Variants in CALN1 observed in about 807,000 individuals in gnomAD.
The protein encoded by CALN1 is calneuron 1.
CALN1 carries 17 observed loss-of-function variants against 30.6 expected under a neutral mutation model. That is an observed-to-expected ratio of 0.56 (90% CI 0.38 to 0.83). The LOEUF is 0.83. Among genes scored for constraint, CALN1 ranks in the 40% least tolerant of loss-of-function variants. CALN1 has a pLI of 0.00. For missense variants in CALN1, 291 were observed against 354.9 expected (o/e 0.82, Z 1.45); for synonymous variants, 156 against 131.4 (o/e 1.19, Z -1.28).
chr7:71,846,744 A>G (rs1790262097), intron 5 of CALN1, among the ~76,000 whole-genome samples: 1 of 149,560 alleles, frequency 6.7e-6, no homozygotes, highest in Admixed American at 6.7e-5. Flanking sequence ...AGTAAACAAA[A>G]TCCATACATA....
intron 4 of CALN1, among the ~76,000 whole-genome samples, chr7:72,063,187 T>C (rs981988612): frequency 2.6e-5 from 4 of 152,186 alleles, no homozygotes; most frequent in Admixed American, 2.6e-4. Flanking sequence ...TGTATATGAA[T>C]TTACACGTGT....
intron 5 of CALN1, among the ~76,000 whole-genome samples, chr7:71,918,997 T>C (rs934614964): frequency 6.6e-6 from 1 of 152,192 alleles, no homozygotes; most frequent in Admixed American, 6.5e-5. Flanking sequence ...GAGCATGTAT[T>C]TTTCATCTTT....
At chr7:72,066,383 T>G (rs574325166) in intron 4 of CALN1, among the ~76,000 whole-genome samples, 12 of 152,318 alleles carry the variant, frequency 7.9e-5, no homozygotes, top group African/African-American at 2.6e-4. Flanking sequence ...CCAGCTCATA[T>G]TTTTCTATCT....
chr7:72,272,421 G>C (rs767541372), intron 3 of CALN1, among the ~76,000 whole-genome samples: 1 of 151,984 alleles, frequency 6.6e-6, no homozygotes, highest in Non-Finnish European at 1.5e-5. Context: ...AATTAGCTGG[G>C]TGTGGTGGTG....
intron 5 of CALN1, among the ~76,000 whole-genome samples, chr7:72,015,979 T>C (rs1800356738): frequency 6.6e-6 from 1 of 152,200 alleles, no homozygotes; most frequent in Non-Finnish European, 1.5e-5. Flanking sequence ...CCAGGCACGG[T>C]GGCTCACACC....
intron 5 of CALN1, among the ~76,000 whole-genome samples, chr7:71,982,871 G>A (rs886602752): frequency 6.6e-6 from 1 of 152,194 alleles, no homozygotes; most frequent in Non-Finnish European, 1.5e-5. Context: ...AGTTGTACCA[G>A]TAGGAAAGGG....
At chr7:71,974,720 G>A (rs1798017426) in intron 5 of CALN1, among the ~76,000 whole-genome samples, 1 of 152,206 alleles carries the variant, frequency 6.6e-6, no homozygotes, top group Non-Finnish European at 1.5e-5. Context: ...GACTTGGAAA[G>A]TGCAGCCACA....
intron 2 of CALN1, among the ~76,000 whole-genome samples, chr7:72,392,323 C>T (rs762197292): frequency 1.1e-4 from 16 of 152,146 alleles, no homozygotes; most frequent in Non-Finnish European, 2.4e-4. Flanking sequence ...ATTCCACAAG[C>T]GCAGGATGGT....
intron 3 of CALN1, among the ~76,000 whole-genome samples, chr7:72,169,476 C>T (rs542038960): frequency 1.6e-5 from 2 of 128,692 alleles, no homozygotes; most frequent in East Asian, 4.8e-4. Flanking sequence ...CATGCCACCA[C>T]ACCCAGCTGA....
the CALN1 span, among the ~76,000 whole-genome samples, chr7:72,500,699 A>AC: frequency 1.5e-4 from 23 of 151,538 alleles, no homozygotes; most frequent in African/African-American, 1.9e-4. Flanking sequence ...TAAAAAAAAA[A>AC]CTAAAACTGA....
Position 71,972,006 on chromosome 7 carries a change from A to AG in CALN1, c.501+51650_501+51651insC, listed in dbSNP as rs1467683043. Among the ~76,000 whole-genome samples the AG allele has an allele frequency of 2.0e-3, 294 of 144,486 alleles. 1 individual carries two copies. The highest frequency in any genetic ancestry group is 5.6e-3 in the Admixed American group (76 of 13,612). 94.8% of individuals were successfully genotyped at this position (144,486 alleles called of 152,430 possible). Reference sequence around the variant, plus strand: ...GAAAGAAAGAAAGAGAAAGAAAGAAAAAAAGAAAGAAAAGAAAGAAAGAAA... The same window carrying AG: ...GAAAGAAAGAAAGAGAAAGAAAGAAAGAAAAGAAAGAAAAGAAAGAAAGAAA... On this transcript the variant is annotated intron_variant, in intron 5 of 6. Coordinates refer to ENST00000395275, the MANE Select transcript of CALN1 (RefSeq NM_031468.4).
intron 6 of CALN1, among the ~76,000 whole-genome samples, chr7:71,809,718 C>T: frequency 6.6e-6 from 1 of 151,814 alleles, no homozygotes; most frequent in African/African-American, 2.4e-5. Flanking sequence ...AATTTGCTTT[C>T]ATGAATAAAA....
chr7:72,345,549 AAAG>A (rs1262395038), intron 2 of CALN1, among the ~76,000 whole-genome samples: 2 of 146,244 alleles, frequency 1.4e-5, no homozygotes, highest in Non-Finnish European at 3.0e-5. Flanking sequence ...AGGAGGAAGG[AAAG>A]AAGAAAGGGA....
intron 2 of CALN1, among the ~76,000 whole-genome samples, chr7:72,368,034 T>C (rs1443313657): frequency 6.6e-6 from 1 of 151,812 alleles, no homozygotes; most frequent in Non-Finnish European, 1.5e-5. Context: ...GGCAGAAGAA[T>C]GGCATGAACC....
intron 3 of CALN1, among the ~76,000 whole-genome samples, chr7:72,181,357 A>AT (rs971900340): frequency 6.1e-4 from 93 of 151,476 alleles, no homozygotes; most frequent in African/African-American, 2.2e-3. Flanking sequence ...TGCATTTATT[A>AT]TTTTTTTACT....
At chr7:71,940,426 G>C (rs2129522226) in intron 5 of CALN1, among the ~76,000 whole-genome samples, 1 of 152,200 alleles carries the variant, frequency 6.6e-6, no homozygotes, top group East Asian at 1.9e-4. Context: ...CTTTATACTT[G>C]TTACAGCAAA....
intron 6 of CALN1, among the ~76,000 whole-genome samples, chr7:71,800,627 T>C (rs2116053461): frequency 6.6e-6 from 1 of 152,208 alleles, no homozygotes; most frequent in East Asian, 1.9e-4. Context: ...CCAAATATAA[T>C]ATGCTTTCGT....
At chr7:72,210,424 T>TGGGAGG (rs1158103590) in intron 3 of CALN1, among the ~76,000 whole-genome samples, 1 of 152,184 alleles carries the variant, frequency 6.6e-6, no homozygotes, top group African/African-American at 2.4e-5. Context: ...CCCAGCACTT[T>TGGGAGG]GGGAGGCTGC....
chr7:71,799,450 T>TTTATTTATTTATTTAG (rs1443958769), intron 6 of CALN1, among the ~76,000 whole-genome samples: 2 of 69,030 alleles, frequency 2.9e-5, no homozygotes, highest in African/African-American at 7.2e-5. Context: ...TATTTATTTA[T>TTTATTTATTTATTTAG]TTAGTTAGTT....
Sources: allele counts gnomAD v4.1 joint callset (sites outside exome capture counted in the v4.1 genomes callset), GRCh38; gene constraint gnomAD v4.1.1; transcripts MANE v1.5; gene names NCBI Gene and HGNC (gene_info 2026-07-23, HGNC 2026-07-21).